NARS2: variants seen among roughly 807,000 people sequenced by gnomAD.
NARS2 encodes the protein asparaginyl-tRNA synthetase.
Under a neutral mutation model 62.9 loss-of-function variants are expected in NARS2, and 60 were observed. The observed-to-expected ratio is 0.95, with a 90% CI of 0.77 to 1.18. The LOEUF is 1.18. Among genes scored for constraint, NARS2 ranks in the 50% most tolerant of loss-of-function variants. The pLI, the probability that NARS2 is intolerant of heterozygous loss-of-function variation, is 0.00. For missense variants in NARS2, 619 were observed against 576.4 expected (o/e 1.07, Z -0.76); for synonymous variants, 196 against 200.0 (o/e 0.98, Z 0.17).
chr11:78,545,822 A>G (rs10793328), intron 5 of NARS2, among the ~76,000 whole-genome samples: 119,992 of 151,756 alleles, frequency 0.79, 47,817 homozygotes, highest in African/African-American at 0.83. Context: ...ACAGGTGTGA[A>G]CCACCGCACC....
At chr11:78,468,466 GTGATCT>G (rs1370535589) in intron 10 of NARS2, among the ~76,000 whole-genome samples, 1 of 150,028 alleles carries the variant, frequency 6.7e-6, no homozygotes, top group East Asian at 1.9e-4. Context: ...GAATGCAGTG[GTGATCT>G]CTGCTCACTG....
At chr11:78,499,422 C>T (rs1860199921) in intron 6 of NARS2, among the ~76,000 whole-genome samples, 1 of 152,158 alleles carries the variant, frequency 6.6e-6, no homozygotes, top group Admixed American at 6.5e-5. Flanking sequence ...CCCACTATGG[C>T]ACCCAGCTTC....
At position 78,571,401 on chromosome 11, in the gene NARS2, A is replaced by G. The variant is rs1287544800; in HGVS notation, c.185T>C (p.Leu62Pro). The change falls in exon 2 of 14, where the codon CTG becomes CCG. Residue 62 changes from leucine (L) to proline (P), a missense_variant. By Grantham distance (98) the Leu-to-Pro change is moderately conservative (BLOSUM62 -3). Transcript: ENST00000281038. ...CAAAGATGACCCATCATTTACATGC[A>G]GGAACAAGACTTCCTTCTGGGATCG... ...SVRSQKEVLF[L>P]HVNDGSSLES... 6.2e-7 allele frequency: 1 copy of G among 1,613,708 alleles called. No homozygotes were observed. Among genetic ancestry groups the G allele is most frequent in the East Asian group, 2.2e-5 (1 of 44,844 alleles).
chr11:78,546,587 A>G (rs1855885964), intron 5 of NARS2: 1 of 152,240 alleles, frequency 6.6e-6, no homozygotes, highest in Admixed American at 6.5e-5. Flanking sequence ...CCTCCAGCAC[A>G]TGTCATGTAG....
chr11:78,516,666 T>G (rs1199384519), intron 6 of NARS2, among the ~76,000 whole-genome samples: 1 of 152,126 alleles, frequency 6.6e-6, no homozygotes, highest in African/African-American at 2.4e-5. Context: ...TCAGGCAACA[T>G]GATAGTAACA....
At chr11:78,532,765 G>A (rs1206926479) in intron 5 of NARS2, among the ~76,000 whole-genome samples, 5 of 152,140 alleles carry the variant, frequency 3.3e-5, no homozygotes, top group South Asian at 2.1e-4. Flanking sequence ...ACCAGATGGC[G>A]AAAGGCCCCA....
chr11:78,456,226 C>T (rs1267472710), intron 11 of NARS2, among the ~76,000 whole-genome samples: 2 of 152,150 alleles, frequency 1.3e-5, no homozygotes, highest in Admixed American at 6.5e-5. Flanking sequence ...TCAATTAAGA[C>T]ACACTGGGAA....
intron 5 of NARS2, among the ~76,000 whole-genome samples, chr11:78,543,728 C>G (rs1430141443): frequency 6.6e-6 from 1 of 152,060 alleles, no homozygotes; most frequent in Non-Finnish European, 1.5e-5. Context: ...GCATAAGCTA[C>G]TTTCTAAATA....
intron 13 of NARS2, among the ~76,000 whole-genome samples, chr11:78,439,709 C>T (rs1857517494): frequency 6.6e-6 from 1 of 152,172 alleles, no homozygotes; most frequent in South Asian, 2.1e-4. Context: ...TGAAACCTAT[C>T]TCCTTCCATA....
intron 4 of NARS2, among the ~76,000 whole-genome samples, chr11:78,565,375 A>G (rs1372273708): frequency 6.6e-6 from 1 of 152,216 alleles, no homozygotes; most frequent in Non-Finnish European, 1.5e-5. Flanking sequence ...AAACCTCATG[A>G]AACAATAGTT....
intron 6 of NARS2, among the ~76,000 whole-genome samples, chr11:78,502,337 G>A (rs1860310703): frequency 6.6e-6 from 1 of 152,230 alleles, no homozygotes; most frequent in Non-Finnish European, 1.5e-5. Context: ...CTGGTTTGCT[G>A]AAGGCTGCCT....
At chr11:78,546,301 G>T (rs971177780) in intron 5 of NARS2, among the ~76,000 whole-genome samples, 5 of 152,168 alleles carry the variant, frequency 3.3e-5, no homozygotes, top group African/African-American at 1.2e-4. Context: ...CTCTTACACA[G>T]ATGCTGGCTT....
chr11:78,556,210 T>C (rs1856347389), intron 5 of NARS2, among the ~76,000 whole-genome samples: 1 of 152,196 alleles, frequency 6.6e-6, no homozygotes, highest in African/African-American at 2.4e-5. Flanking sequence ...TGGAATATTC[T>C]CCCTAAGGTA....
At chr11:78,460,871 T>C (rs867431358) in intron 11 of NARS2, among the ~76,000 whole-genome samples, 23 of 152,288 alleles carry the variant, frequency 1.5e-4, no homozygotes, top group South Asian at 2.1e-4. Context: ...GAAAAACAAA[T>C]AGATGGTTGT....
chr11:78,499,722 A>G (rs1364255194), intron 6 of NARS2, among the ~76,000 whole-genome samples: 5 of 152,198 alleles, frequency 3.3e-5, no homozygotes, highest in African/African-American at 7.2e-5. Flanking sequence ...TTCTATGTAA[A>G]CACAGCAGTA....
chr11:78,451,395 T>C (rs1398926028), intron 11 of NARS2, among the ~76,000 whole-genome samples: 1 of 152,222 alleles, frequency 6.6e-6, no homozygotes, highest in Admixed American at 6.5e-5. Flanking sequence ...AAAAGGTACA[T>C]AAAGATATAA....
chr11:78,529,926 T>G (rs1441582756), intron 5 of NARS2, among the ~76,000 whole-genome samples: 1 of 152,212 alleles, frequency 6.6e-6, no homozygotes, highest in Non-Finnish European at 1.5e-5. Context: ...TAATGGAGAA[T>G]GTAAGACTCT....
chr11:78,495,012 C>A (rs1859997501), intron 6 of NARS2, among the ~76,000 whole-genome samples: 1 of 152,144 alleles, frequency 6.6e-6, no homozygotes, highest in South Asian at 2.1e-4. Flanking sequence ...TCTATCTCCA[C>A]AGCTATTGTC....
intron 1 of NARS2, among the ~76,000 whole-genome samples, chr11:78,572,818 TAATC>T (rs748650431): frequency 9.2e-5 from 14 of 152,296 alleles, no homozygotes; most frequent in Non-Finnish European, 1.8e-4. Context: ...TATCAACATA[TAATC>T]AATATAAAAA....
Sources: allele counts gnomAD v4.1 joint callset (sites outside exome capture counted in the v4.1 genomes callset), GRCh38; gene constraint gnomAD v4.1.1; transcripts MANE v1.5; gene names NCBI Gene and HGNC (gene_info 2026-07-23, HGNC 2026-07-21).